Variants in PDZRN4 observed in about 807,000 individuals in gnomAD.
PDZRN4 encodes PDZ domain containing ring finger 4.
Under a neutral mutation model 99.0 loss-of-function variants are expected in PDZRN4, and 70 were observed. That is an observed-to-expected ratio of 0.71 (90% CI 0.58 to 0.86). The LOEUF (loss-of-function observed/expected upper bound fraction) is 0.86. PDZRN4 is among the 40% of genes least tolerant of loss of function. The pLI is 0.00. For missense variants in PDZRN4, 1,474 were observed against 1,331.2 expected, an observed-to-expected ratio of 1.11 and a Z score of -1.67; for synonymous variants, 551 against 501.6, an observed-to-expected ratio of 1.10 and a Z score of -1.32.
At chr12:41,452,525 A>G (rs1952784140) in intron 3 of PDZRN4, among the ~76,000 whole-genome samples, 1 of 152,012 alleles carries the variant, frequency 6.6e-6, no homozygotes, top group Admixed American at 6.6e-5. Context: ...TATTACCTTC[A>G]GGGCTCCAAA....
At chr12:41,430,569 A>C (rs1163849734) in intron 3 of PDZRN4, among the ~76,000 whole-genome samples, 2 of 152,114 alleles carry the variant, frequency 1.3e-5, no homozygotes, top group African/African-American at 4.8e-5. Flanking sequence ...GTGTGTGTGC[A>C]TGCATCACAT....
chr12:41,235,155 C>T (rs1951057453), intron 3 of PDZRN4, among the ~76,000 whole-genome samples: 1 of 152,036 alleles, frequency 6.6e-6, no homozygotes, highest in African/African-American at 2.4e-5. Flanking sequence ...TGGAGATGAG[C>T]ACTGTAATTT....
intron 3 of PDZRN4, among the ~76,000 whole-genome samples, chr12:41,436,336 G>A (rs1273512389): frequency 6.6e-6 from 1 of 152,214 alleles, no homozygotes; most frequent in Non-Finnish European, 1.5e-5. Flanking sequence ...ACTTGCTGGT[G>A]TTGAGGTGTT....
intron 3 of PDZRN4, among the ~76,000 whole-genome samples, chr12:41,247,665 T>G (rs1386152842): frequency 1.3e-5 from 2 of 152,200 alleles, no homozygotes; most frequent in African/African-American, 4.8e-5. Context: ...TAGGCTTGGA[T>G]AGAAGATAGA....
intron 3 of PDZRN4, among the ~76,000 whole-genome samples, chr12:41,498,479 G>A (rs1388469072): frequency 6.6e-6 from 1 of 152,154 alleles, no homozygotes; most frequent in Non-Finnish European, 1.5e-5. Context: ...TCATAACATG[G>A]TGGAAGGCAC....
chr12:41,238,799 A>C (rs191421805), intron 3 of PDZRN4, among the ~76,000 whole-genome samples: 5 of 152,310 alleles, frequency 3.3e-5, no homozygotes, highest in Admixed American at 6.5e-5. Context: ...TTAAAAAATA[A>C]AATAAAAAAA....
At chr12:41,240,344 G>GGA (rs1951094194) in intron 3 of PDZRN4, among the ~76,000 whole-genome samples, 1 of 152,038 alleles carries the variant, frequency 6.6e-6, no homozygotes, top group Non-Finnish European at 1.5e-5. Flanking sequence ...ACCACACAAG[G>GGA]CCCTGTCTCA....
chr12:41,497,147 G>A (rs867882978), intron 3 of PDZRN4, among the ~76,000 whole-genome samples: 20 of 152,070 alleles, frequency 1.3e-4, no homozygotes, highest in Middle Eastern at 6.8e-3. Flanking sequence ...CACAAAGATG[G>A]GACAAAAAAG....
chr12:41,221,894 G>C (rs750438339), intron 3 of PDZRN4, among the ~76,000 whole-genome samples: 11 of 152,278 alleles, frequency 7.2e-5, no homozygotes, highest in Non-Finnish European at 1.3e-4. Context: ...GATACTCATC[G>C]AGACATATTT....
chr12:41,300,708 G>A (rs1001594760), intron 3 of PDZRN4, among the ~76,000 whole-genome samples: 7 of 151,890 alleles, frequency 4.6e-5, no homozygotes, highest in African/African-American at 1.7e-4. Flanking sequence ...TATCCCTAGG[G>A]CCTTTCACAT....
chr12:41,413,454 C>G (rs974374152), intron 3 of PDZRN4, among the ~76,000 whole-genome samples: 1 of 151,978 alleles, frequency 6.6e-6, no homozygotes, highest in Non-Finnish European at 1.5e-5. Flanking sequence ...GTGTTCTATA[C>G]CACTGTAAGA....
chr12:41,265,702 A>T (rs954299928), intron 3 of PDZRN4, among the ~76,000 whole-genome samples: 7 of 152,218 alleles, frequency 4.6e-5, no homozygotes, highest in Non-Finnish European at 1.0e-4. Context: ...TTTCTTAGCC[A>T]GATGCATGTA....
At chr12:41,545,576 G>A (rs1046132474) in intron 5 of PDZRN4, among the ~76,000 whole-genome samples, 1 of 150,262 alleles carries the variant, frequency 6.7e-6, no homozygotes, top group Non-Finnish European at 1.5e-5. Flanking sequence ...ATCTAATGAG[G>A]ATACTGAAAT....
chr12:41,424,302 A>G (rs928732663), intron 3 of PDZRN4, among the ~76,000 whole-genome samples: 3 of 152,180 alleles, frequency 2.0e-5, no homozygotes, highest in Middle Eastern at 6.3e-3. Context: ...CACACCATGT[A>G]TATACTTAGT....
At chr12:41,309,617 G>A (rs1363726112) in intron 3 of PDZRN4, among the ~76,000 whole-genome samples, 1 of 152,058 alleles carries the variant, frequency 6.6e-6, no homozygotes, top group African/African-American at 2.4e-5. Flanking sequence ...AAATATGACT[G>A]TTAGAAACTA....
At chr12:41,345,471 A>G (rs1951846661) in intron 3 of PDZRN4, among the ~76,000 whole-genome samples, 1 of 152,208 alleles carries the variant, frequency 6.6e-6, no homozygotes, top group African/African-American at 2.4e-5. Flanking sequence ...GGCTGAAAAC[A>G]GACATTGATT....
chr12:41,198,074 C>T (rs1950789640), intron 3 of PDZRN4, among the ~76,000 whole-genome samples: 5 of 151,756 alleles, frequency 3.3e-5, no homozygotes. Context: ...CCCACCTCAC[C>T]TGGCTAATTT....
intron 3 of PDZRN4, among the ~76,000 whole-genome samples, chr12:41,233,530 A>T (rs936641566): frequency 3.3e-5 from 5 of 152,176 alleles, no homozygotes; most frequent in African/African-American, 1.2e-4. Context: ...AAAGACTTGG[A>T]ACCAACCTAA....
chr12:41,264,641 T>C (rs959643796), intron 3 of PDZRN4, among the ~76,000 whole-genome samples: 1 of 152,228 alleles, frequency 6.6e-6, no homozygotes, highest in Non-Finnish European at 1.5e-5. Context: ...AATTTTAATC[T>C]TTTATTTATA....
Sources: gnomAD v4.1 joint callset for allele counts (sites outside exome capture counted in the v4.1 genomes callset) on GRCh38, gnomAD v4.1.1 for gene constraint, MANE v1.5 for transcripts, NCBI Gene and HGNC (gene_info 2026-07-23, HGNC 2026-07-21) for gene names.